RRBP1: variants seen among roughly 807,000 people sequenced by gnomAD.
RRBP1 encodes ribosome binding protein 1, also known as ribosome-binding protein 1.
Under a neutral mutation model 165.2 loss-of-function variants are expected in RRBP1, and 94 were observed. The observed-to-expected ratio is 0.57, with a 90% CI of 0.48 to 0.68. The LOEUF (loss-of-function observed/expected upper bound fraction) is 0.68, where lower values mean the gene tolerates loss of function less well. RRBP1 is among the 30% of genes least tolerant of loss of function. The pLI, the probability that RRBP1 is intolerant of heterozygous loss-of-function variation, is 0.00. For missense variants in RRBP1, 1,676 were observed against 1,763.0 expected (o/e 0.95, Z 0.88); for synonymous variants, 680 against 714.5 (o/e 0.95, Z 0.77).
At chr20:17,621,421 C>T (rs1375928054) in intron 16 of RRBP1, 37 bp downstream of exon 16, 2 of 1,537,972 alleles carry the variant, frequency 1.3e-6, no homozygotes, top group South Asian at 2.3e-5. Context: ...CCTGCAGCCT[C>T]CCAGGGATGC....
In RRBP1 at chr20:17,619,649, G is replaced by T; in HGVS notation, c.3659C>A (p.Ala1220Asp). 1 of 1,612,214 alleles carries T rather than the reference G, an allele frequency of 6.2e-7. No individual in the cohort carries two copies. Among genetic ancestry groups the T allele is most frequent in the South Asian group, 1.1e-5 (1 of 90,922 alleles). ...CAGACTCACCCCTGCCACCTCCTTGGCGTAGTTCTGGCACTCGGCGCTGGC... is the reference window on the plus strand; with the variant it reads ...CAGACTCACCCCTGCCACCTCCTTGTCGTAGTTCTGGCACTCGGCGCTGGC... ...AAASAECQNYAKEVAGLRQLL... is the reference protein window; with the variant it reads ...AAASAECQNYDKEVAGLRQLL... Residue 1220 changes from alanine (A) to aspartate (D), a missense_variant, in exon 19 of 25, where the codon GCC (alanine) becomes GAC (aspartate). Around this residue, in one of 5 missense-constraint regions of RRBP1, gnomAD observed 1,184 missense variants for 1,167.1 expected, o/e 1.01. Transcript: ENST00000377813.
At chr20:17,661,136 G>C (rs1401819983) in intron 2 of RRBP1, among the ~76,000 whole-genome samples, 1 of 152,220 alleles carries the variant, frequency 6.6e-6, no homozygotes, top group Non-Finnish European at 1.5e-5. Context: ...AAGCATTTTA[G>C]CCAGCAGGCC....
intron 2 of RRBP1, among the ~76,000 whole-genome samples, chr20:17,662,164 G>A (rs1600773434): frequency 6.6e-6 from 1 of 152,056 alleles, no homozygotes; most frequent in East Asian, 1.9e-4. Context: ...TCGGGAGGCT[G>A]AGGCAGGAGA....
chr20:17,670,465 C>G (rs567599049), intron 2 of RRBP1, among the ~76,000 whole-genome samples: 2 of 148,996 alleles, frequency 1.3e-5, no homozygotes, highest in Non-Finnish European at 3.0e-5. Flanking sequence ...CAGTAACACA[C>G]AGCACTCACA....
chr20:17,642,812 C>A (rs1052987191), intron 4 of RRBP1, among the ~76,000 whole-genome samples, 167 bp downstream of exon 4: 5 of 152,218 alleles, frequency 3.3e-5, no homozygotes, highest in African/African-American at 9.6e-5. Flanking sequence ...GGTGGCTTGA[C>A]AGAAGCCAAA....
Position 17,643,278 on chromosome 20 carries a change from T to C in RRBP1, c.1913-151A>G. ...AGCAGGCTGAGCATGGCGAGTCTGC[T>C]CCAGTGTCTCCTGCTCTTTCAGGAC... On this transcript the variant is annotated intron_variant, in intron 3 of 24. Coordinates refer to ENST00000377813, the MANE Select transcript of RRBP1 (RefSeq NM_001365613.2). This position sits in a 1 kb window ranked among gnomAD's most constrained non-coding sequence, Gnocchi z 4.3. The C allele has an allele frequency of 4.2e-6, 3 of 721,170 alleles. No homozygotes were observed. The highest frequency in any genetic ancestry group is 6.8e-6 in the Non-Finnish European group (3 of 440,904). 44.7% of individuals were successfully genotyped at this position (721,170 alleles called of 1,614,324 possible).
chr20:17,636,455 C>T, intron 6 of RRBP1, 122 bp downstream of exon 6: 3 of 1,205,298 alleles, frequency 2.5e-6, no homozygotes. Flanking sequence ...ACCTTACAGA[C>T]CCCTGTGGGC....
At chr20:17,650,513 A>G (rs1490616490) in intron 3 of RRBP1, among the ~76,000 whole-genome samples, 1 of 152,214 alleles carries the variant, frequency 6.6e-6, no homozygotes, top group Non-Finnish European at 1.5e-5. Context: ...CAGAAAGGTC[A>G]CAGGTCCTTG....
chr20:17,629,937 C>T lies in RRBP1; in HGVS notation c.2635G>A (p.Ala879Thr), dbSNP rs2036115685. Residue 879 changes from alanine (A) to threonine (T), a missense_variant, in exon 9 of 25, where the codon GCC becomes ACC. Coordinates refer to ENST00000377813, the MANE Select transcript of RRBP1 (RefSeq NM_001365613.2). ...ACCTCGTCCAGGCGCTTCTGCAGGGCCTCCTCACTCTCCCTGTGGGACGCC... is the reference window on the plus strand; with the variant it reads ...ACCTCGTCCAGGCGCTTCTGCAGGGTCTCCTCACTCTCCCTGTGGGACGCC... ...LQASHRESEE[A>T]LQKRLDEVSR... 6.3e-7 allele frequency: 1 copy of T among 1,598,950 alleles called. No individual in the cohort carries two copies. Among genetic ancestry groups the T allele is most frequent in the Non-Finnish European group, 8.5e-7 (1 of 1,178,644 alleles).
At chr20:17,645,779 C>T (rs190820585) in intron 3 of RRBP1, among the ~76,000 whole-genome samples, 3 of 152,312 alleles carry the variant, frequency 2.0e-5, no homozygotes, top group Admixed American at 1.3e-4. Context: ...GAAATCTTAA[C>T]GCACTAAACT....
rs909381958 is a variant in RRBP1 at position 17,658,503 on chromosome 20, G to C, written c.1912+93C>G. 12 of 1,087,770 alleles carry C rather than the reference G, an allele frequency of 1.1e-5. No individual in the cohort carries two copies. The South Asian group carries it at 1.6e-4, about 15-fold the overall frequency. 67.4% of individuals were successfully genotyped at this position (1,087,770 alleles called of 1,614,324 possible). On this transcript the variant is annotated intron_variant, in intron 3 of 24. Transcript: ENST00000377813. ...GTTACGCAGCCTTATTATGACAATAGCTGACTGATACAGGTGGCACTCCCC... is the reference window on the plus strand; with the variant it reads ...GTTACGCAGCCTTATTATGACAATACCTGACTGATACAGGTGGCACTCCCC...
chr20:17,615,998 C>A lies in RRBP1; in HGVS notation c.3879G>T (p.Gln1293His). Residue 1293 changes from glutamine (Q) to histidine (H), a missense_variant, in exon 22 of 25, where the codon CAG becomes CAT. Around this residue, in one of 5 missense-constraint regions of RRBP1, gnomAD observed 1,184 missense variants for 1,167.1 expected, o/e 1.01. Transcript: ENST00000377813. ...CCAGGATGGCTTCTGTCCACTCCAGCTGCGTCTTCAGCTGTGCAAACACCG... is the reference window on the plus strand; with the variant it reads ...CCAGGATGGCTTCTGTCCACTCCAGATGCGTCTTCAGCTGTGCAAACACCG... Reference protein sequence around the residue: ...AEQDPVQLKTQLEWTEAILED... With the variant: ...AEQDPVQLKTHLEWTEAILED... 6.2e-7 allele frequency: 1 copy of A among 1,606,608 alleles called. No homozygotes were observed.
chr20:17,671,633 A>G (rs906430876), intron 2 of RRBP1, among the ~76,000 whole-genome samples: 12 of 152,196 alleles, frequency 7.9e-5, no homozygotes, highest in African/African-American at 2.9e-4. Flanking sequence ...TGAAGGTGTC[A>G]TGGCCCCTTG....
intron 16 of RRBP1, 136 bp from the exon 17 acceptor site, chr20:17,620,943 G>A: frequency 3.1e-6 from 2 of 654,664 alleles, no homozygotes; most frequent in Non-Finnish European, 5.3e-6. Flanking sequence ...GCGTTAGGTG[G>A]GGAGGGAAGG....
intron 3 of RRBP1, 148 bp downstream of exon 3, chr20:17,658,448 G>T: frequency 1.6e-6 from 1 of 642,554 alleles, no homozygotes; most frequent in Non-Finnish European, 2.6e-6. Context: ...GACTGCTGTT[G>T]AAGGCCACTG....
At chr20:17,653,508 A>G (rs565249420) in intron 3 of RRBP1, among the ~76,000 whole-genome samples, 1 of 152,372 alleles carries the variant, frequency 6.6e-6, no homozygotes, top group South Asian at 2.1e-4. Context: ...CGGAGTCCAG[A>G]TGAGACCAAT....
intron 1 of RRBP1, among the ~76,000 whole-genome samples, chr20:17,681,133 T>C (rs949110288): frequency 1.3e-5 from 2 of 150,884 alleles, no homozygotes; most frequent in African/African-American, 2.4e-5. Context: ...GCCAGCGCGC[T>C]TGGCCGGCCC....
chr20:17,664,222 G>A (rs1352495941), intron 2 of RRBP1, among the ~76,000 whole-genome samples: 1 of 152,192 alleles, frequency 6.6e-6, no homozygotes, highest in East Asian at 1.9e-4. Context: ...TCTGAAAGCT[G>A]AGAGGGCCAC....
intron 2 of RRBP1, among the ~76,000 whole-genome samples, chr20:17,663,252 T>C (rs1185530318): frequency 1.3e-5 from 2 of 152,226 alleles, no homozygotes; most frequent in South Asian, 4.1e-4. Flanking sequence ...CTGTGCAGCC[T>C]TGTGGTTTCC....
Sources: gnomAD v4.1 joint callset for allele counts (sites outside exome capture counted in the v4.1 genomes callset) on GRCh38, gnomAD v4.1.1 for gene constraint, gnomAD v4.1.1 regional missense constraint, Gnocchi (gnomAD v3.1) non-coding constraint, MANE v1.5 for transcripts, NCBI Gene and HGNC (gene_info 2026-07-23, HGNC 2026-07-21) for gene names.